The following WDFY2 variants were observed in gnomAD, a reference collection of about 807,000 sequenced individuals.
WDFY2 encodes WD repeat and FYVE domain containing 2.
WDFY2 carries 36 observed loss-of-function variants against 56.4 expected under a neutral mutation model. That is an observed-to-expected ratio of 0.64 (90% CI 0.49 to 0.84). WDFY2 has a LOEUF of 0.84. Ranked by LOEUF, WDFY2 falls within the 40% of genes least tolerant of loss-of-function variation. The probability of loss-of-function intolerance (pLI) is 0.00; values close to 1 mark genes in which losing one functional copy is unlikely to be tolerated. For synonymous variants in WDFY2, 176 were observed against 183.7 expected, an observed-to-expected ratio of 0.96 and a Z score of 0.34; for missense variants, 444 against 512.2, an observed-to-expected ratio of 0.87 and a Z score of 1.29.
At chr13:51,676,720 A>G (rs1955893844) in intron 3 of WDFY2, among the ~76,000 whole-genome samples, 1 of 152,174 alleles carries the variant, frequency 6.6e-6, no homozygotes. Context: ...GTAGATCTGT[A>G]AACTCTGTTT....
At position 51,764,501 on chromosome 13, in the gene WDFY2, C is replaced by CAA. The variant is rs764544401; in HGVS notation, c.*4733_*4734dup. ...GTCAGTGTGGTGTGTCCAGGGATCA[C>CAA]AAGTGGGCTGGAGCTGCCGGAGAAC... is the stretch of plus-strand genomic sequence containing the variant. On this transcript the variant is annotated 3_prime_UTR_variant, in exon 12 of 12. Coordinates refer to ENST00000298125, the MANE Select transcript of WDFY2 (RefSeq NM_052950.4). The CAA allele has an allele frequency of 6.5e-6, 1 of 153,042 alleles. No individual in the cohort carries two copies. Among genetic ancestry groups the CAA allele is most frequent in the African/African-American group, 2.4e-5 (1 of 41,554 alleles). The allele number at this position is 153,042 out of a possible 1,614,324, so 9.5% of individuals were successfully genotyped here.
chr13:51,626,738 A>T (rs1288035117), intron 1 of WDFY2, among the ~76,000 whole-genome samples: 2 of 152,248 alleles, frequency 1.3e-5, no homozygotes, highest in Non-Finnish European at 1.5e-5. Context: ...CCACAATAAT[A>T]AAAAGAGGCA....
intron 4 of WDFY2, among the ~76,000 whole-genome samples, chr13:51,715,484 G>A (rs1439704904): frequency 1.3e-5 from 2 of 151,990 alleles, no homozygotes; most frequent in African/African-American, 2.4e-5. Flanking sequence ...TCCACAGCTC[G>A]TCCCACTGGA....
chr13:51,710,104 T>C lies in WDFY2; in HGVS notation c.334+6454T>C, dbSNP rs541361124. On this transcript the variant is annotated intron_variant, in intron 4 of 11. Coordinates refer to ENST00000298125, the MANE Select transcript of WDFY2 (RefSeq NM_052950.4). ...CTTATCCACCACGATCAAGTAGGCT[T>C]CATCCCTGGGATGCAAGGCTGGTTC... 3.3e-5 allele frequency among the ~76,000 whole-genome samples: 5 copies of C among 152,328 alleles called. No homozygotes were observed. In the East Asian group the frequency reaches 9.6e-4, roughly 29 times the overall value.
At chr13:51,595,483 G>C (rs555609637) in intron 1 of WDFY2, among the ~76,000 whole-genome samples, 33 of 152,240 alleles carry the variant, frequency 2.2e-4, no homozygotes, top group African/African-American at 7.5e-4. Context: ...GCTGTGCCAA[G>C]CCATGAAATT....
At chr13:51,696,781 A>G (rs1951886123) in intron 3 of WDFY2, among the ~76,000 whole-genome samples, 1 of 152,246 alleles carries the variant, frequency 6.6e-6, no homozygotes, top group South Asian at 2.1e-4. Flanking sequence ...ATCTATCAAG[A>G]AGAATGTTGT....
At chr13:51,623,330 A>G (rs560078205) in intron 1 of WDFY2, among the ~76,000 whole-genome samples, 10 of 152,304 alleles carry the variant, frequency 6.6e-5, no homozygotes, top group African/African-American at 9.6e-5. Context: ...AGTAAGAGCA[A>G]TATGACTGGA....
chr13:51,634,778 CT>C (rs1255696832), intron 1 of WDFY2, among the ~76,000 whole-genome samples: 1 of 151,682 alleles, frequency 6.6e-6, no homozygotes, highest in Non-Finnish European at 1.5e-5. Context: ...GCAAGGAGGA[CT>C]TTTTTGTGAA....
At chr13:51,683,057 C>T (rs748679239) in intron 3 of WDFY2, among the ~76,000 whole-genome samples, 12 of 152,138 alleles carry the variant, frequency 7.9e-5, no homozygotes, top group South Asian at 2.1e-4. Context: ...TAATCTTCAT[C>T]GTCCTCAAGA....
At chr13:51,752,498 A>T (rs1463340547) in intron 8 of WDFY2, among the ~76,000 whole-genome samples, 1 of 152,148 alleles carries the variant, frequency 6.6e-6, no homozygotes, top group Non-Finnish European at 1.5e-5. Context: ...TGGGTTAGGG[A>T]CAGTCACACC....
chr13:51,707,939 CTTTTTTTTTTTTT>C lies in WDFY2; in HGVS notation c.334+4309_334+4321del, dbSNP rs56054205. 2.6e-3 allele frequency among the ~76,000 whole-genome samples: 148 copies of C among 57,570 alleles called. 1 individual carries two copies. Among genetic ancestry groups the C allele is most frequent in the African/African-American group, 9.7e-3 (135 of 13,988 alleles). 37.8% of individuals were successfully genotyped at this position (57,570 alleles called of 152,430 possible). On this transcript the variant is annotated intron_variant, in intron 4 of 11. Transcript: ENST00000298125. ...ATATATACTATTAACCCTAAAACAA[CTTTTTTTTTTTTT>C]TTTTTTTTTTTTTTTTTTTGGAGAC...
chr13:51,614,027 A>G (rs1265206977), intron 1 of WDFY2, among the ~76,000 whole-genome samples: 1 of 152,002 alleles, frequency 6.6e-6, no homozygotes, highest in Non-Finnish European at 1.5e-5. Context: ...TCTACTAAAA[A>G]TACAAAAAAT....
intron 9 of WDFY2, 40 bp from the exon 10 acceptor site, chr13:51,756,292 G>C: frequency 6.3e-7 from 1 of 1,584,354 alleles, no homozygotes. Flanking sequence ...CAGGAGCTGA[G>C]GGAGCCGTGA....
intron 1 of WDFY2, among the ~76,000 whole-genome samples, chr13:51,633,696 G>T: frequency 6.6e-6 from 1 of 152,162 alleles, no homozygotes; most frequent in East Asian, 1.9e-4. Flanking sequence ...GAAGTGATGA[G>T]GGGAGGGAGT....
At chr13:51,616,004 G>C (rs890840634) in intron 1 of WDFY2, among the ~76,000 whole-genome samples, 1 of 152,220 alleles carries the variant, frequency 6.6e-6, no homozygotes, top group Non-Finnish European at 1.5e-5. Flanking sequence ...AGCTCTTTGG[G>C]AGGCCCAGGC....
chr13:51,700,767 A>T (rs1951966839), intron 3 of WDFY2, among the ~76,000 whole-genome samples: 1 of 152,026 alleles, frequency 6.6e-6, no homozygotes, highest in Non-Finnish European at 1.5e-5. Flanking sequence ...GGGGTTCAAG[A>T]CCAGCCTGAC....
chr13:51,756,383 C>A lies in WDFY2; in HGVS notation c.985C>A (p.Arg329Ser), dbSNP rs150232196. The A allele has an allele frequency of 1.2e-6, 2 of 1,613,984 alleles. No homozygotes were observed. Among genetic ancestry groups the A allele is most frequent in the Admixed American group, 1.7e-5 (1 of 59,990 alleles). The change falls in exon 10 of 12, where the codon CGC becomes AGC. Residue 329 changes from arginine to serine, a missense_variant. By Grantham distance (110) the Arg-to-Ser change is moderately radical. Transcript: ENST00000298125. ...CGTCTGTGGCAAGTGCAGCTCCAAGCGCTCCTCCATCCCCCTGATGGGCTT... is the reference window on the plus strand; with the variant it reads ...CGTCTGTGGCAAGTGCAGCTCCAAGAGCTCCTCCATCCCCCTGATGGGCTT... ...KAVCGKCSSK[R>S]SSIPLMGFEF...
At chr13:51,610,103 T>TGGTGAATGTGTGGAGAGGGG (rs1381699942) in intron 1 of WDFY2, among the ~76,000 whole-genome samples, 6 of 152,040 alleles carry the variant, frequency 3.9e-5, no homozygotes, top group African/African-American at 1.2e-4. Context: ...GGGGTTGGGG[T>TGGTGAATGTGTGGAGAGGGG]GGTGAATGTG....
intron 1 of WDFY2, among the ~76,000 whole-genome samples, chr13:51,646,588 C>T (rs1471340356): frequency 6.6e-6 from 1 of 152,164 alleles, no homozygotes; most frequent in African/African-American, 2.4e-5. Context: ...TTTCACATAC[C>T]AGTACCTAGT....
Sources: allele counts gnomAD v4.1 joint callset (sites outside exome capture counted in the v4.1 genomes callset), GRCh38; gene constraint gnomAD v4.1.1; transcripts MANE v1.5; gene names NCBI Gene and HGNC (gene_info 2026-07-23, HGNC 2026-07-21).